EEF1AKMT2: variants seen among roughly 807,000 people sequenced by gnomAD.
The protein encoded by EEF1AKMT2 is eukaryotic translation elongation factor 1 alpha lysine methyltransferase 2.
EEF1AKMT2 carries 32 observed loss-of-function variants against 35.8 expected under a neutral mutation model. That is an observed-to-expected ratio of 0.89 (90% CI 0.67 to 1.20). EEF1AKMT2 has a LOEUF of 1.20. Ranked by LOEUF, EEF1AKMT2 falls within the 50% of genes most tolerant of loss-of-function variation. The probability of loss-of-function intolerance (pLI) is 0.00; values close to 1 mark genes in which losing one functional copy is unlikely to be tolerated. For missense variants in EEF1AKMT2, 330 were observed against 347.5 expected (o/e 0.95, Z 0.40); for synonymous variants, 121 against 133.7 (o/e 0.91, Z 0.65).
intron 3 of EEF1AKMT2, among the ~76,000 whole-genome samples, chr10:124,776,548 G>A (rs1950488850): frequency 1.3e-5 from 2 of 152,130 alleles, no homozygotes; most frequent in African/African-American, 2.4e-5. Context: ...AGCACTCTGG[G>A]AGGCGGAGGC....
chr10:124,783,163 C>CAT (rs1950557637), intron 3 of EEF1AKMT2, among the ~76,000 whole-genome samples: 1 of 99,866 alleles, frequency 1.0e-5, no homozygotes, highest in Non-Finnish European at 1.8e-5. Context: ...TTTTTTGAGA[C>CAT]AGAGTCTTAC....
intron 5 of EEF1AKMT2, among the ~76,000 whole-genome samples, chr10:124,763,661 A>G (rs1474056237): frequency 6.6e-6 from 1 of 152,236 alleles, no homozygotes; most frequent in Non-Finnish European, 1.5e-5. Flanking sequence ...AGACAAAGAC[A>G]CATTTTTAAG....
chr10:124,777,894 T>C (rs992325276), intron 3 of EEF1AKMT2, among the ~76,000 whole-genome samples: 1 of 152,130 alleles, frequency 6.6e-6, no homozygotes, highest in African/African-American at 2.4e-5. Flanking sequence ...AGGACCACCA[T>C]TGTATATGTG....
In EEF1AKMT2 at chr10:124,760,252, CATT is replaced by C. The variant is rs1341285937; in HGVS notation, c.*248_*250del. On this transcript the variant is annotated 3_prime_UTR_variant, in exon 7 of 7. Coordinates refer to ENST00000368836, the MANE Select transcript of EEF1AKMT2 (RefSeq NM_212554.4). The stretch of plus-strand genomic sequence containing the variant: ...TCTAAAACCCAACCACTTAGATGCT[CATT>C]ATTATTATTTTCTTTCACCAATCCA... 12 of 445,684 alleles carry C rather than the reference CATT, an allele frequency of 2.7e-5. No individual in the cohort carries two copies. The Admixed American group carries it at 3.5e-4, about 13-fold the overall frequency. 27.6% of individuals were successfully genotyped at this position (445,684 alleles called of 1,614,324 possible).
chr10:124,757,955 T>G lies in EEF1AKMT2; in HGVS notation c.*2548A>C, dbSNP rs1950299364. ...GCACCTGGCTTAAAACAAAATGTAC[T>G]GAAAACTTTGTATTTGTTAATTGGG... On this transcript the variant is annotated 3_prime_UTR_variant, in exon 7 of 7. Coordinates refer to ENST00000368836, the MANE Select transcript of EEF1AKMT2 (RefSeq NM_212554.4). The G allele has an allele frequency of 6.6e-6, 1 of 152,338 alleles. No individual in the cohort carries two copies. The highest frequency in any genetic ancestry group is 2.1e-4 in the South Asian group (1 of 4,826). 9.4% of individuals were successfully genotyped at this position (152,338 alleles called of 1,614,324 possible). A position where few individuals can be genotyped will look rare whatever the true frequency, so the allele number is the denominator to read the frequency against.
chr10:124,778,203 C>T (rs956049107), intron 3 of EEF1AKMT2, among the ~76,000 whole-genome samples: 1 of 151,870 alleles, frequency 6.6e-6, no homozygotes, highest in Non-Finnish European at 1.5e-5. Flanking sequence ...TACATACACA[C>T]ACACACACAC....
In EEF1AKMT2 at chr10:124,762,457, T is replaced by C; in HGVS notation, c.718A>G (p.Thr240Ala). ...SASRVGGTTG[T>A]HHHAWIIFVF... ...AAAATTATCCAGGCATGATGATGTG[T>C]GCCTGTAGTTCCACCTACTCGGGAG... The change falls in exon 6 of 7, where the codon ACA (threonine) becomes GCA (alanine). Residue 240 changes from threonine (T) to alanine (A), a missense_variant. Physicochemically the swap from Thr to Ala is moderately conservative, Grantham distance 58. Coordinates refer to ENST00000368836, the MANE Select transcript of EEF1AKMT2 (RefSeq NM_212554.4). 1 of 1,300,718 alleles carries C rather than the reference T, an allele frequency of 7.7e-7. No individual in the cohort carries two copies. Among genetic ancestry groups the C allele is most frequent in the Middle Eastern group, 2.2e-4 (1 of 4,600 alleles). 80.6% of individuals were successfully genotyped at this position (1,300,718 alleles called of 1,614,324 possible). A position where few individuals can be genotyped will look rare whatever the true frequency, so the allele number is the denominator to read the frequency against.
Position 124,760,466 on chromosome 10 carries a change from G to C in EEF1AKMT2, c.*37C>G. On this transcript the variant is annotated 3_prime_UTR_variant, in exon 7 of 7. Transcript: ENST00000368836. Reference sequence around the variant, plus strand: ...TGTTTCCAGATCTGCCTCCAAAGCTGAACTTGGGTGTTGGTAGCTCTTCGA... The same window carrying C: ...TGTTTCCAGATCTGCCTCCAAAGCTCAACTTGGGTGTTGGTAGCTCTTCGA... 1 of 1,613,828 alleles carries C rather than the reference G, an allele frequency of 6.2e-7. No individual in the cohort carries two copies. Among genetic ancestry groups the C allele is most frequent in the South Asian group, 1.1e-5 (1 of 91,058 alleles).
At chr10:124,776,067 G>A (rs989423877) in intron 3 of EEF1AKMT2, among the ~76,000 whole-genome samples, 3 of 151,894 alleles carry the variant, frequency 2.0e-5, no homozygotes, top group Admixed American at 6.6e-5. Flanking sequence ...ACAGGCGCCC[G>A]CCACCACGCC....
At chr10:124,783,884 G>A (rs1242878456) in intron 3 of EEF1AKMT2, among the ~76,000 whole-genome samples, 4 of 152,140 alleles carry the variant, frequency 2.6e-5, no homozygotes, top group African/African-American at 9.7e-5. Flanking sequence ...GAGTGCAACG[G>A]TGCAATCTCG....
chr10:124,774,829 GTT>G (rs778587208), intron 3 of EEF1AKMT2, 47 bp from the exon 4 acceptor site: 5 of 925,732 alleles, frequency 5.4e-6, no homozygotes, highest in Admixed American at 3.5e-5. Flanking sequence ...TTAATATAAT[GTT>G]TTGTTTATGA....
intron 3 of EEF1AKMT2, among the ~76,000 whole-genome samples, chr10:124,783,348 T>C (rs946577317): frequency 7.2e-5 from 11 of 152,182 alleles, no homozygotes; most frequent in African/African-American, 2.6e-4. Flanking sequence ...TTCACCATGA[T>C]GGCCAGGGTG....
At chr10:124,773,231 C>T (rs1378758894) in intron 4 of EEF1AKMT2, among the ~76,000 whole-genome samples, 1 of 151,872 alleles carries the variant, frequency 6.6e-6, no homozygotes, top group Non-Finnish European at 1.5e-5. Context: ...ACGCAGTCTC[C>T]CCGTCACCCA....
In EEF1AKMT2 at chr10:124,758,736, GA is replaced by G. The variant is rs2134116388; in HGVS notation, c.*1766del. On this transcript the variant is annotated 3_prime_UTR_variant, in exon 7 of 7. Transcript: ENST00000368836. ...TATCTATGTTATATTTGAAATCAAA[GA>G]ATATTAATGTGAAAAAAAACAAAGA... 6.6e-6 allele frequency: 1 copy of G among 151,568 alleles called. No homozygotes were observed. The highest frequency in any genetic ancestry group is 2.1e-4 in the South Asian group (1 of 4,798). 9.4% of individuals were successfully genotyped at this position (151,568 alleles called of 1,614,324 possible). A position where few individuals can be genotyped will look rare whatever the true frequency, so the allele number is the denominator to read the frequency against.
chr10:124,771,051 AT>A (rs2134127413), intron 4 of EEF1AKMT2, among the ~76,000 whole-genome samples: 1 of 152,048 alleles, frequency 6.6e-6, no homozygotes, highest in Non-Finnish European at 1.5e-5. Context: ...TGAATTATAA[AT>A]GTTCTTCACG....
At chr10:124,765,366 C>A in intron 5 of EEF1AKMT2, 26 bp downstream of exon 5, 2 of 1,577,232 alleles carry the variant, frequency 1.3e-6, no homozygotes. Context: ...GGTAAGCACA[C>A]ATTTAAACAC....
In EEF1AKMT2 at chr10:124,789,130, T is replaced by G; in HGVS notation, c.204A>C (p.Leu68=). 6.2e-7 allele frequency: 1 copy of G among 1,613,278 alleles called. No homozygotes were observed. Among genetic ancestry groups the G allele is most frequent in the East Asian group, 2.2e-5 (1 of 44,818 alleles). The change falls in exon 3 of 7, where the codon CTA becomes CTC. Residue 68 remains leucine (L), a synonymous_variant. Transcript: ENST00000368836. ...IWFGEESMNR[L]IRWMQKHKIP... ...TCTTGTGTTTCTGCATCCACCTTAT[T>G]AGTCGATTCATACTCTCTTCTCCAA...
chr10:124,765,695 A>T (rs934749141), intron 4 of EEF1AKMT2, 87 bp from the exon 5 acceptor site: 75 of 936,026 alleles, frequency 8.0e-5, no homozygotes, highest in Non-Finnish European at 1.1e-4. Flanking sequence ...GGTTATTAAT[A>T]AAAGGACCCA....
intron 3 of EEF1AKMT2, 69 bp from the exon 4 acceptor site, chr10:124,774,851 T>G (rs1023890457): frequency 2.2e-5 from 16 of 724,990 alleles, no homozygotes; most frequent in Non-Finnish European, 4.1e-6. Context: ...AATTATAATA[T>G]TCCTTTAGGA....
Sources: allele counts gnomAD v4.1 joint callset (sites outside exome capture counted in the v4.1 genomes callset), GRCh38; gene constraint gnomAD v4.1.1; transcripts MANE v1.5; gene names NCBI Gene and HGNC (gene_info 2026-07-23, HGNC 2026-07-21).